The following PID1 variants were observed in gnomAD, a reference collection of about 807,000 sequenced individuals.
The protein encoded by PID1 is phosphotyrosine interaction domain containing 1, also known as PTB-containing, cubilin and LRP1-interacting protein.
Under a neutral mutation model 19.1 loss-of-function variants are expected in PID1, and 10 were observed. The observed-to-expected ratio is 0.52, with a 90% CI of 0.32 to 0.89. The LOEUF (loss-of-function observed/expected upper bound fraction) is 0.89, where lower values mean the gene tolerates loss of function less well. Ranked by LOEUF, PID1 falls within the 40% of genes least tolerant of loss-of-function variation. The probability of loss-of-function intolerance (pLI) is 0.03; values close to 1 mark genes in which losing one functional copy is unlikely to be tolerated. For synonymous variants in PID1, 130 were observed against 116.0 expected (o/e 1.12, Z -0.78); for missense variants, 248 against 285.3 (o/e 0.87, Z 0.94).
rs1450161475 is a variant in PID1 at position 229,253,589 on chromosome 2, A to C, written c.30+17425T>G. 6.1e-5 allele frequency among the ~76,000 whole-genome samples: 3 copies of C among 49,336 alleles called. No individual in the cohort carries two copies. In the East Asian group the frequency reaches 1.7e-3, roughly 28 times the overall value. 32.4% of individuals were successfully genotyped at this position (49,336 alleles called of 152,430 possible). A position where few individuals can be genotyped will look rare whatever the true frequency, so the allele number is the denominator to read the frequency against. ...GGGTATGTGCTTAAAAGAAATTCCA[A>C]GCAAAAAAAAAAAAAAAAAAATTGC... On this transcript the variant is annotated intron_variant, in intron 1 of 2. Coordinates refer to ENST00000392055, the MANE Select transcript of PID1 (RefSeq NM_001100818.2).
chr2:229,153,246 T>G (rs187721927), intron 2 of PID1, among the ~76,000 whole-genome samples: 14 of 152,356 alleles, frequency 9.2e-5, no homozygotes, highest in Non-Finnish European at 1.5e-4. Flanking sequence ...AAAACTTAAG[T>G]GTATTCTGTC....
intron 1 of PID1, among the ~76,000 whole-genome samples, chr2:229,204,482 T>C (rs1460964371): frequency 6.6e-6 from 1 of 152,138 alleles, no homozygotes; most frequent in African/African-American, 2.4e-5. Flanking sequence ...ACAAAATTCA[T>C]ACAAGATTTT....
At chr2:229,234,031 T>G (rs1692272261) in intron 1 of PID1, among the ~76,000 whole-genome samples, 1 of 152,184 alleles carries the variant, frequency 6.6e-6, no homozygotes, top group African/African-American at 2.4e-5. Context: ...ATAAATGTGT[T>G]GAACACCATA....
chr2:229,193,741 TA>T (rs1691313275), intron 1 of PID1, among the ~76,000 whole-genome samples: 2 of 151,424 alleles, frequency 1.3e-5, no homozygotes, highest in South Asian at 4.2e-4. Flanking sequence ...AATATATACT[TA>T]ATAGTATGTA....
At chr2:229,228,908 A>T (rs1376179495) in intron 1 of PID1, among the ~76,000 whole-genome samples, 1 of 152,222 alleles carries the variant, frequency 6.6e-6, no homozygotes, top group Admixed American at 6.5e-5. Context: ...GTTCTCCCTG[A>T]GGAGAGAACA....
At chr2:229,250,637 TG>T (rs1323314798) in intron 1 of PID1, among the ~76,000 whole-genome samples, 3 of 152,188 alleles carry the variant, frequency 2.0e-5, no homozygotes, top group African/African-American at 4.8e-5. Context: ...CCGATTTGGT[TG>T]GGGGCAAAAA....
At chr2:229,258,787 A>G (rs946383728) in intron 1 of PID1, among the ~76,000 whole-genome samples, 14 of 149,414 alleles carry the variant, frequency 9.4e-5, no homozygotes, top group Admixed American at 8.8e-4. Flanking sequence ...GCGTGAACCC[A>G]GGAGGCGGAG....
At chr2:229,184,358 C>A (rs1217049340) in intron 1 of PID1, among the ~76,000 whole-genome samples, 5 of 133,742 alleles carry the variant, frequency 3.7e-5, no homozygotes, top group African/African-American at 1.1e-4. Context: ...ATATATATCA[C>A]ACATATATAT....
At chr2:229,047,128 C>T (rs1036175835) in intron 2 of PID1, among the ~76,000 whole-genome samples, 1 of 152,250 alleles carries the variant, frequency 6.6e-6, no homozygotes, top group Admixed American at 6.5e-5. Context: ...TCTGCCGCTG[C>T]TCATGCATTT....
At chr2:229,237,942 T>G (rs1221079005) in intron 1 of PID1, among the ~76,000 whole-genome samples, 4 of 152,176 alleles carry the variant, frequency 2.6e-5, no homozygotes, top group Non-Finnish European at 5.9e-5. Flanking sequence ...ATGTTCTTCT[T>G]TTACTCTCCT....
chr2:229,214,673 T>C (rs1194491561), intron 1 of PID1, among the ~76,000 whole-genome samples: 2 of 152,190 alleles, frequency 1.3e-5, no homozygotes, highest in African/African-American at 2.4e-5. Context: ...TATAATGAAA[T>C]ACAAAAGATT....
chr2:229,199,871 CA>C (rs1192418914), intron 1 of PID1, among the ~76,000 whole-genome samples: 1 of 151,718 alleles, frequency 6.6e-6, no homozygotes, highest in African/African-American at 2.4e-5. Flanking sequence ...TAATGAAACA[CA>C]TATAGCAAAG....
At chr2:229,257,385 A>ACTCTCCTGTCCCCTCTTCCTGG (rs1184267300) in intron 1 of PID1, among the ~76,000 whole-genome samples, 1 of 151,440 alleles carries the variant, frequency 6.6e-6, no homozygotes, top group Non-Finnish European at 1.5e-5. Context: ...TGCCCCTCCG[A>ACTCTCCTGTCCCCTCTTCCTGG]CTCTCCTGTC....
At chr2:229,200,703 A>C (rs1691481194) in intron 1 of PID1, among the ~76,000 whole-genome samples, 1 of 151,970 alleles carries the variant, frequency 6.6e-6, no homozygotes, top group Non-Finnish European at 1.5e-5. Flanking sequence ...ATTTACCTCC[A>C]CCACTAGAAT....
intron 1 of PID1, among the ~76,000 whole-genome samples, chr2:229,210,966 T>A (rs1691720442): frequency 6.6e-6 from 1 of 152,222 alleles, no homozygotes; most frequent in Non-Finnish European, 1.5e-5. Flanking sequence ...TTTCTGTGGC[T>A]GCAGACAGTC....
chr2:229,217,866 C>T (rs1235492302), intron 1 of PID1, among the ~76,000 whole-genome samples: 1 of 152,110 alleles, frequency 6.6e-6, no homozygotes, highest in African/African-American at 2.4e-5. Flanking sequence ...TCCTCACGCA[C>T]CCTCCAACTA....
chr2:229,224,974 T>G (rs1349639112), intron 1 of PID1, among the ~76,000 whole-genome samples: 1 of 152,130 alleles, frequency 6.6e-6, no homozygotes, highest in African/African-American at 2.4e-5. Flanking sequence ...AAAAACATTG[T>G]GAGATTCAAG....
chr2:229,145,267 GTTA>G (rs758177717), intron 2 of PID1, among the ~76,000 whole-genome samples: 4 of 149,062 alleles, frequency 2.7e-5, no homozygotes, highest in Admixed American at 6.7e-5. Flanking sequence ...TAGTTTTGAA[GTTA>G]TTATAATCTT....
chr2:229,222,895 ACACACATG>A (rs1692003561), intron 1 of PID1, among the ~76,000 whole-genome samples: 1 of 129,360 alleles, frequency 7.7e-6, no homozygotes. Context: ...ACACACACAC[ACACACATG>A]TACCCTATTG....
Sources: allele counts gnomAD v4.1 joint callset (sites outside exome capture counted in the v4.1 genomes callset), GRCh38; gene constraint gnomAD v4.1.1; transcripts MANE v1.5; gene names NCBI Gene and HGNC (gene_info 2026-07-23, HGNC 2026-07-21).